EPB41L4A: variants seen among roughly 807,000 people sequenced by gnomAD.
EPB41L4A encodes the protein erythrocyte membrane protein band 4.1 like 4A.
Under a neutral mutation model 108.6 loss-of-function variants are expected in EPB41L4A, and 100 were observed. The ratio of observed to expected loss-of-function variants is 0.92; its 90% CI spans 0.78 to 1.09. EPB41L4A has a LOEUF of 1.09. Ranked by LOEUF, EPB41L4A falls within the 50% of genes least tolerant of loss-of-function variation. The probability of loss-of-function intolerance (pLI) is 0.00; values close to 1 mark genes in which losing one functional copy is unlikely to be tolerated. For synonymous variants in EPB41L4A, 319 were observed against 289.0 expected (o/e 1.10, Z -1.05); for missense variants, 1,030 against 842.7 (o/e 1.22, Z -2.75).
chr5:112,277,057 C>T (rs530527409), intron 3 of EPB41L4A, among the ~76,000 whole-genome samples: 1 of 152,164 alleles, frequency 6.6e-6, no homozygotes, highest in African/African-American at 2.4e-5. Context: ...ACATAGATGT[C>T]AGGGAGGCAC....
At chr5:112,159,186 C>G (rs114411336), downstream of EPB41L4A, among the ~76,000 whole-genome samples, 1,484 of 151,802 alleles carry the variant, frequency 9.8e-3, 23 homozygotes, top group African/African-American at 0.034. Flanking sequence ...TTTTAAACCA[C>G]TTTATTGAGG....
Position 112,204,442 on chromosome 5 carries a change from G to A in EPB41L4A, c.1309C>T (p.Pro437Ser). The stretch of plus-strand genomic sequence containing the variant: ...GAGGGGTTTCGGCGACGCGTGTAAG[G>A]GAACTTTGGCGACTTAGTGCGATCA... ...PSDRTKSPKF[P>S]YTRRRNPSCG... Residue 437 changes from proline (P) to serine (S), a missense_variant, in exon 15 of 23, where the codon CCT (proline) becomes TCT (serine). Pro to Ser is a moderately conservative substitution (Grantham distance 74, BLOSUM62 -1). Coordinates refer to ENST00000261486, the MANE Select transcript of EPB41L4A (RefSeq NM_022140.5). 1 of 1,613,940 alleles carries A rather than the reference G, an allele frequency of 6.2e-7. No homozygotes were observed. Among genetic ancestry groups the A allele is most frequent in the African/African-American group, 1.3e-5 (1 of 75,006 alleles).
intron 2 of EPB41L4A, among the ~76,000 whole-genome samples, chr5:112,298,142 T>G (rs1197103602): frequency 6.6e-6 from 1 of 152,172 alleles, no homozygotes; most frequent in African/African-American, 2.4e-5. Flanking sequence ...ACTGTAGGAT[T>G]GTTTTTTCTA....
intron 1 of EPB41L4A, among the ~76,000 whole-genome samples, chr5:112,383,989 C>T (rs1760336663): frequency 6.6e-6 from 1 of 152,040 alleles, no homozygotes; most frequent in Non-Finnish European, 1.5e-5. Context: ...AAATATTACG[C>T]TAAGTAAAAG....
At chr5:112,218,814 A>G (rs1399582366) in intron 12 of EPB41L4A, among the ~76,000 whole-genome samples, 1 of 152,208 alleles carries the variant, frequency 6.6e-6, no homozygotes, top group African/African-American at 2.4e-5. Context: ...GCAAGCACTC[A>G]CTAAAAGAAT....
chr5:112,310,583 T>A (rs1358235689), intron 1 of EPB41L4A, among the ~76,000 whole-genome samples: 4 of 152,242 alleles, frequency 2.6e-5, no homozygotes, highest in Admixed American at 2.0e-4. Context: ...CTTATTCTGT[T>A]TTGGCCTTTA....
chr5:112,343,341 C>T (rs937678441), intron 1 of EPB41L4A, among the ~76,000 whole-genome samples: 2 of 152,088 alleles, frequency 1.3e-5, no homozygotes, highest in African/African-American at 2.4e-5. Flanking sequence ...ATTCTGGATC[C>T]AGACTGCCTG....
intron 12 of EPB41L4A, among the ~76,000 whole-genome samples, chr5:112,224,082 G>A (rs1206186721): frequency 6.6e-6 from 1 of 152,158 alleles, no homozygotes; most frequent in Non-Finnish European, 1.5e-5. Flanking sequence ...CTCCTGAGTA[G>A]CTGGGATTAC....
At chr5:112,161,691 A>G (rs370160695), downstream of EPB41L4A, 63 of 493,694 alleles carry the variant, frequency 1.3e-4, 1 homozygote, top group East Asian at 3.4e-3. Context: ...GCCAGTTCTA[A>G]TTTTTGTTCA....
Position 112,398,827 on chromosome 5 carries a change from A to G in EPB41L4A, c.99+20114T>C, listed in dbSNP as rs73214262. Among the ~76,000 whole-genome samples the G allele has an allele frequency of 3.4e-3, 517 of 152,008 alleles. 3 individuals carry two copies. Among genetic ancestry groups the G allele is most frequent in the African/African-American group, 0.012 (500 of 41,460 alleles). ...ATCTTATTCGAGTTCATAGGCTCTG[A>G]GTGAAATGTATATGGGCTTCAAGGT... is the stretch of plus-strand genomic sequence containing the variant. On this transcript the variant is annotated intron_variant, in intron 1 of 22. Coordinates refer to ENST00000261486, the MANE Select transcript of EPB41L4A (RefSeq NM_022140.5).
intron 1 of EPB41L4A, among the ~76,000 whole-genome samples, chr5:112,394,937 A>G (rs1045215641): frequency 6.6e-5 from 10 of 152,190 alleles, no homozygotes; most frequent in East Asian, 1.9e-4. Context: ...CAGAAATAAC[A>G]CCACACATCG....
intron 12 of EPB41L4A, among the ~76,000 whole-genome samples, chr5:112,234,180 AAAATT>A (rs1351412835): frequency 2.4e-5 from 3 of 123,562 alleles, no homozygotes; most frequent in Non-Finnish European, 5.5e-5. Flanking sequence ...TAAAATAAAT[AAAATT>A]AAAATAAAAT....
intron 1 of EPB41L4A, among the ~76,000 whole-genome samples, chr5:112,379,119 C>T (rs1459839914): frequency 2.0e-5 from 3 of 152,148 alleles, no homozygotes; most frequent in Non-Finnish European, 4.4e-5. Flanking sequence ...TTCCAAGAGG[C>T]GAGCACCCTG....
At chr5:112,158,714 A>G (rs1759736544), downstream of EPB41L4A, among the ~76,000 whole-genome samples, 1 of 152,228 alleles carries the variant, frequency 6.6e-6, no homozygotes, top group African/African-American at 2.4e-5. Flanking sequence ...TGAAGTGCCA[A>G]GCAAAGATCT....
In EPB41L4A at chr5:112,195,278, C is replaced by T. The variant is rs1206423889; in HGVS notation, c.1424+383G>A. On this transcript the variant is annotated intron_variant, in intron 16 of 22. Transcript: ENST00000261486. ...ATGCCAACACGAAAGAGAAAGGCCC[C>T]CTGGATAACACAACCTCAGCTGTCA... is the stretch of plus-strand genomic sequence containing the variant. 3.3e-5 allele frequency among the ~76,000 whole-genome samples: 5 copies of T among 152,018 alleles called. No homozygotes were observed. The East Asian group carries it at 9.6e-4, about 29-fold the overall frequency.
At chr5:112,242,528 C>T (rs1043607722) in intron 9 of EPB41L4A, among the ~76,000 whole-genome samples, 3 of 152,118 alleles carry the variant, frequency 2.0e-5, no homozygotes, top group South Asian at 2.1e-4. Flanking sequence ...TCAAAGTCAT[C>T]GTGGGGGTAG....
At chr5:112,337,333 G>A (rs138527612) in intron 1 of EPB41L4A, among the ~76,000 whole-genome samples, 9 of 152,164 alleles carry the variant, frequency 5.9e-5, no homozygotes, top group South Asian at 4.2e-4. Context: ...TATAAAATCC[G>A]GTACCACATC....
intron 11 of EPB41L4A, 54 bp from the exon 12 acceptor site, chr5:112,234,809 T>G: frequency 6.4e-7 from 1 of 1,565,744 alleles, no homozygotes; most frequent in Non-Finnish European, 8.7e-7. Context: ...GCCACAAAAT[T>G]AAACAACAGG....
intron 12 of EPB41L4A, among the ~76,000 whole-genome samples, chr5:112,218,170 T>A (rs1747791923): frequency 6.6e-6 from 1 of 152,148 alleles, no homozygotes; most frequent in Non-Finnish European, 1.5e-5. Context: ...AGGCATCTGC[T>A]CATTCCCTTA....
Sources: allele counts gnomAD v4.1 joint callset (sites outside exome capture counted in the v4.1 genomes callset), GRCh38; gene constraint gnomAD v4.1.1; transcripts MANE v1.5; gene names NCBI Gene and HGNC (gene_info 2026-07-23, HGNC 2026-07-21).